MBOAT2: variants seen among roughly 807,000 people sequenced by gnomAD.
MBOAT2 encodes the protein membrane-bound glycerophospholipid O-acyltransferase 2.
In MBOAT2, 28 loss-of-function variants were observed where a neutral mutation model predicts 63.4. The ratio of observed to expected loss-of-function variants is 0.44; its 90% CI spans 0.33 to 0.61. The LOEUF is 0.61. Ranked by LOEUF, MBOAT2 falls within the 20% of genes least tolerant of loss-of-function variation. The pLI is 0.03. For missense variants in MBOAT2, 470 were observed against 605.8 expected (o/e 0.78, Z 2.35); for synonymous variants, 211 against 215.6 (o/e 0.98, Z 0.19).
chr2:8,971,163 C>T (rs1159463688), intron 1 of MBOAT2, among the ~76,000 whole-genome samples: 1 of 152,174 alleles, frequency 6.6e-6, no homozygotes, highest in Non-Finnish European at 1.5e-5. Flanking sequence ...AAAAGCTTAT[C>T]CACCATGATC....
chr2:8,875,385 A>G (rs1201364480), intron 7 of MBOAT2, among the ~76,000 whole-genome samples: 1 of 152,248 alleles, frequency 6.6e-6, no homozygotes, highest in African/African-American at 2.4e-5. Context: ...ATATTTTATG[A>G]TAGTAAAACC....
intron 1 of MBOAT2, among the ~76,000 whole-genome samples, chr2:8,981,031 C>T (rs977132465): frequency 6.6e-6 from 1 of 152,144 alleles, no homozygotes; most frequent in South Asian, 2.1e-4. Flanking sequence ...AAAATGCACA[C>T]TGATATGCAA....
intron 3 of MBOAT2, among the ~76,000 whole-genome samples, chr2:8,912,416 A>AAAGAAAGG (rs199665950): frequency 5.2e-5 from 7 of 135,172 alleles, no homozygotes; most frequent in South Asian, 2.3e-4. Context: ...AGAAAGAAAG[A>AAAGAAAGG]CAGGCCGGCC....
chr2:9,002,188 T>C (rs1317892544), intron 1 of MBOAT2, among the ~76,000 whole-genome samples: 1 of 152,200 alleles, frequency 6.6e-6, no homozygotes, highest in Non-Finnish European at 1.5e-5. Flanking sequence ...CTACCATACT[T>C]TATTAGCAAG....
chr2:8,937,619 A>G (rs183336970), intron 3 of MBOAT2, among the ~76,000 whole-genome samples: 1 of 152,292 alleles, frequency 6.6e-6, no homozygotes, highest in Non-Finnish European at 1.5e-5. Context: ...TCTGAGAGTC[A>G]GGAGGAGAGG....
chr2:8,882,377 G>T, intron 6 of MBOAT2, 134 bp downstream of exon 6: 2 of 852,316 alleles, frequency 2.3e-6, no homozygotes, highest in South Asian at 1.6e-5. Context: ...GGAGGGAAGT[G>T]CATGGAGAGA....
chr2:8,970,031 TA>T (rs1489072179), intron 1 of MBOAT2, among the ~76,000 whole-genome samples: 9 of 152,142 alleles, frequency 5.9e-5, no homozygotes, highest in Non-Finnish European at 1.0e-4. Flanking sequence ...AATAGACATC[TA>T]ACAGAACTCT....
intron 1 of MBOAT2, among the ~76,000 whole-genome samples, chr2:8,997,779 T>C (rs1672410195): frequency 6.6e-6 from 1 of 152,212 alleles, no homozygotes; most frequent in African/African-American, 2.4e-5. Flanking sequence ...TTTAGTGTTT[T>C]GCCAAAGAGC....
At chr2:8,957,230 CAA>C (rs1669291142) in intron 2 of MBOAT2, among the ~76,000 whole-genome samples, 2 of 151,978 alleles carry the variant, frequency 1.3e-5, no homozygotes, top group African/African-American at 2.4e-5. Context: ...GCGCCATAAT[CAA>C]AAGTTTGAAA....
intron 9 of MBOAT2, 96 bp downstream of exon 9, chr2:8,868,350 C>T: frequency 1.0e-6 from 1 of 1,004,036 alleles, no homozygotes; most frequent in Non-Finnish European, 1.5e-6. Context: ...ATTAAAAAAC[C>T]TTCAATACCA....
chr2:8,885,130 T>A (rs1663451810), intron 5 of MBOAT2, among the ~76,000 whole-genome samples: 1 of 152,226 alleles, frequency 6.6e-6, no homozygotes, highest in Admixed American at 6.5e-5. Flanking sequence ...GAATGGCGTA[T>A]CTTCCACTGT....
intron 1 of MBOAT2, among the ~76,000 whole-genome samples, chr2:8,966,891 A>T (rs1218226016): frequency 1.3e-5 from 2 of 152,242 alleles, no homozygotes. Context: ...CATGTACAAG[A>T]ATGTTCAATA....
At chr2:8,916,046 T>C (rs1421904428) in intron 3 of MBOAT2, among the ~76,000 whole-genome samples, 1 of 152,212 alleles carries the variant, frequency 6.6e-6, no homozygotes, top group Non-Finnish European at 1.5e-5. Flanking sequence ...CCTTTCTTAC[T>C]CTTAGTGTGA....
chr2:8,922,092 T>C (rs1234991855), intron 3 of MBOAT2, among the ~76,000 whole-genome samples: 1 of 152,334 alleles, frequency 6.6e-6, no homozygotes, highest in South Asian at 2.1e-4. Context: ...TTCTTCAGAT[T>C]GGCTAATACC....
chr2:8,917,805 A>C (rs1285540384), intron 3 of MBOAT2, among the ~76,000 whole-genome samples: 3 of 152,250 alleles, frequency 2.0e-5, no homozygotes, highest in Non-Finnish European at 4.4e-5. Context: ...TACTCCTAAT[A>C]GCCCATTTTT....
chr2:8,979,224 A>C (rs1012356565), intron 1 of MBOAT2, among the ~76,000 whole-genome samples: 1 of 152,142 alleles, frequency 6.6e-6, no homozygotes, highest in Non-Finnish European at 1.5e-5. Flanking sequence ...TCAATATAAA[A>C]AGTACTAACT....
chr2:8,968,361 CA>C (rs1670164856), intron 1 of MBOAT2, among the ~76,000 whole-genome samples: 1 of 152,160 alleles, frequency 6.6e-6, no homozygotes, highest in Non-Finnish European at 1.5e-5. Flanking sequence ...AGGACATCCA[CA>C]CCAAAACCCC....
chr2:8,948,789 G>A (rs957395434), intron 2 of MBOAT2, among the ~76,000 whole-genome samples: 5 of 152,180 alleles, frequency 3.3e-5, no homozygotes, highest in Non-Finnish European at 5.9e-5. Context: ...TGTGAACAGT[G>A]CTGCGATTAA....
chr2:8,936,806 GAAAAGA>G (rs1404683905), intron 3 of MBOAT2, among the ~76,000 whole-genome samples: 7 of 126,002 alleles, frequency 5.6e-5, no homozygotes, highest in African/African-American at 1.8e-4. Flanking sequence ...AAAAAAAAAA[GAAAAGA>G]AAAAGAAAAG....
Sources: gnomAD v4.1 joint callset for allele counts (sites outside exome capture counted in the v4.1 genomes callset) on GRCh38, gnomAD v4.1.1 for gene constraint, MANE v1.5 for transcripts, NCBI Gene and HGNC (gene_info 2026-07-23, HGNC 2026-07-21) for gene names.